The following GRM5 variants were observed in gnomAD, a reference collection of about 807,000 sequenced individuals.
The protein encoded by GRM5 is glutamate metabotropic receptor 5.
A neutral mutation model predicts 83.1 loss-of-function variants in GRM5; 19 were observed. The observed-to-expected ratio is 0.23, with a 90% CI of 0.16 to 0.34. The LOEUF is 0.34. GRM5 is among the 10% of genes least tolerant of loss of function. GRM5 has a pLI of 1.00. For missense variants in GRM5, 1,160 were observed against 1,588.3 expected, an observed-to-expected ratio of 0.73 and a Z score of 4.58; for synonymous variants, 675 against 633.6, an observed-to-expected ratio of 1.07 and a Z score of -0.98.
intron 2 of GRM5, among the ~76,000 whole-genome samples, chr11:88,991,467 C>T (rs1027027416): frequency 1.4e-4 from 21 of 152,042 alleles, no homozygotes; most frequent in African/African-American, 4.8e-4. Context: ...AATGCCATCC[C>T]CATCAAGCTA....
chr11:88,765,825 A>G (rs1202996643), intron 3 of GRM5, among the ~76,000 whole-genome samples: 1 of 151,896 alleles, frequency 6.6e-6, no homozygotes, highest in African/African-American at 2.4e-5. Context: ...AGGCACAACA[A>G]CAAAAAATAG....
chr11:88,844,865 C>A (rs571676713), intron 3 of GRM5, among the ~76,000 whole-genome samples: 107 of 152,296 alleles, frequency 7.0e-4, no homozygotes, highest in African/African-American at 2.5e-3. Flanking sequence ...AAAGATGGGA[C>A]TGAACTCCTA....
chr11:88,788,786 T>G (rs1943119520), intron 3 of GRM5, among the ~76,000 whole-genome samples: 1 of 152,196 alleles, frequency 6.6e-6, no homozygotes, highest in Non-Finnish European at 1.5e-5. Context: ...GGCTATTAAA[T>G]TGTATATGGA....
At chr11:88,699,812 C>A (rs1382470970) in intron 3 of GRM5, among the ~76,000 whole-genome samples, 1 of 152,190 alleles carries the variant, frequency 6.6e-6, no homozygotes, top group African/African-American at 2.4e-5. Flanking sequence ...GTCAGCATTT[C>A]TCCCAGAGCT....
intron 1 of GRM5, among the ~76,000 whole-genome samples, chr11:89,058,220 G>A (rs1941917046): frequency 6.6e-6 from 1 of 152,058 alleles, no homozygotes; most frequent in Non-Finnish European, 1.5e-5. Context: ...AGTAAATATA[G>A]GAAACTCTGT....
chr11:89,046,608 T>A (rs7931721), intron 2 of GRM5, among the ~76,000 whole-genome samples: 2 of 152,102 alleles, frequency 1.3e-5, no homozygotes, highest in Non-Finnish European at 2.9e-5. Flanking sequence ...AAAACAAACA[T>A]GTTGAATTAT....
chr11:89,051,140 C>T (rs1941750992), intron 1 of GRM5, among the ~76,000 whole-genome samples: 1 of 151,894 alleles, frequency 6.6e-6, no homozygotes, highest in Admixed American at 6.6e-5. Context: ...AAGATAGTCC[C>T]AGCTACTCGG....
chr11:88,540,909 G>C (rs539091181), intron 8 of GRM5, among the ~76,000 whole-genome samples: 1 of 151,218 alleles, frequency 6.6e-6, no homozygotes, highest in Admixed American at 6.7e-5. Flanking sequence ...ACCACGCCTG[G>C]TTAATTTTTT....
At chr11:88,943,547 C>A (rs1236605037) in intron 2 of GRM5, among the ~76,000 whole-genome samples, 1 of 152,020 alleles carries the variant, frequency 6.6e-6, no homozygotes, top group Non-Finnish European at 1.5e-5. Context: ...TTATGGTCCT[C>A]TCCTAAAAAT....
intron 2 of GRM5, among the ~76,000 whole-genome samples, chr11:89,004,389 A>G (rs1940468686): frequency 1.3e-5 from 2 of 152,232 alleles, no homozygotes; most frequent in African/African-American, 4.8e-5. Flanking sequence ...TTTAAATGAC[A>G]TTGAACTTCT....
chr11:88,738,407 C>G (rs1437159800), intron 3 of GRM5, among the ~76,000 whole-genome samples: 1 of 151,976 alleles, frequency 6.6e-6, no homozygotes, highest in Non-Finnish European at 1.5e-5. Flanking sequence ...CACATCCAAG[C>G]CTTTATTTAA....
intron 3 of GRM5, among the ~76,000 whole-genome samples, chr11:88,696,229 C>T (rs1296027701): frequency 1.3e-5 from 2 of 152,216 alleles, no homozygotes; most frequent in East Asian, 3.9e-4. Flanking sequence ...TGATGGTCTG[C>T]CAGCGTCTGC....
intron 4 of GRM5, among the ~76,000 whole-genome samples, chr11:88,644,088 A>G (rs528507733): frequency 6.6e-6 from 1 of 152,326 alleles, no homozygotes; most frequent in African/African-American, 2.4e-5. Flanking sequence ...TACTTTTAGT[A>G]TTTTTGATTT....
At chr11:88,789,777 C>T (rs757698642) in intron 3 of GRM5, among the ~76,000 whole-genome samples, 1 of 152,154 alleles carries the variant, frequency 6.6e-6, no homozygotes, top group Non-Finnish European at 1.5e-5. Flanking sequence ...AAATTATATG[C>T]TGTACCAATA....
chr11:88,738,982 C>T (rs979911446), intron 3 of GRM5, among the ~76,000 whole-genome samples: 2 of 152,052 alleles, frequency 1.3e-5, no homozygotes, highest in African/African-American at 4.8e-5. Context: ...AAAATGCTGC[C>T]TTGGTCATGA....
chr11:89,031,836 C>G (rs1427675093), intron 2 of GRM5, among the ~76,000 whole-genome samples: 1 of 151,820 alleles, frequency 6.6e-6, no homozygotes, highest in Non-Finnish European at 1.5e-5. Context: ...CTTATTTTCA[C>G]TTAATACATA....
intron 2 of GRM5, among the ~76,000 whole-genome samples, chr11:88,952,303 T>C (rs1590991863): frequency 6.6e-6 from 1 of 152,360 alleles, no homozygotes. Context: ...CTGGACTCTC[T>C]AATGTGCCCA....
intron 2 of GRM5, among the ~76,000 whole-genome samples, chr11:88,985,684 C>T (rs1939683023): frequency 6.6e-6 from 1 of 152,130 alleles, no homozygotes; most frequent in Non-Finnish European, 1.5e-5. Flanking sequence ...AAGACACTTT[C>T]AGAAGATTTG....
intron 2 of GRM5, among the ~76,000 whole-genome samples, chr11:88,889,292 C>G (rs1213306024): frequency 1.3e-5 from 2 of 151,992 alleles, no homozygotes; most frequent in African/African-American, 4.8e-5. Context: ...AAACTGTAAA[C>G]CAGGTGCCTC....
Sources: allele counts gnomAD v4.1 joint callset (sites outside exome capture counted in the v4.1 genomes callset), GRCh38; gene constraint gnomAD v4.1.1; transcripts MANE v1.5; gene names NCBI Gene and HGNC (gene_info 2026-07-23, HGNC 2026-07-21).